Variants in OR14L1 observed in about 807,000 individuals in gnomAD.
OR14L1 encodes the protein olfactory receptor 14L1.
chr1:247,618,529 A>G, the OR14L1 span, among the ~76,000 whole-genome samples: 1 of 87,410 alleles, frequency 1.1e-5, no homozygotes, highest in Non-Finnish European at 2.1e-5. Flanking sequence ...AGACCAATCC[A>G]AAGCAAAATT....
At chr1:247,617,380 A>T in the OR14L1 span, 18 of 152,222 alleles carry the variant, frequency 1.2e-4, no homozygotes, top group African/African-American at 3.9e-4. Flanking sequence ...CAGTTCAACA[A>T]AAATCAGCTC....
chr1:247,617,703 TGTGTGTGC>T, the OR14L1 span, among the ~76,000 whole-genome samples: 13 of 148,882 alleles, frequency 8.7e-5, no homozygotes, highest in African/African-American at 1.8e-4. Context: ...GGTGTGTGTG[TGTGTGTGC>T]GTGTGTGTGT....
At chr1:247,618,059 A>G in the OR14L1 span, among the ~76,000 whole-genome samples, 1 of 152,204 alleles carries the variant, frequency 6.6e-6, no homozygotes, top group African/African-American at 2.4e-5. Flanking sequence ...CTTGGTCACA[A>G]GAAGCATTTT....
the OR14L1 span, among the ~76,000 whole-genome samples, chr1:247,618,845 G>A: frequency 6.6e-6 from 1 of 152,132 alleles, no homozygotes; most frequent in Non-Finnish European, 1.5e-5. Context: ...CTCAGACACT[G>A]TTCTCTGCAA....
the OR14L1 span, among the ~76,000 whole-genome samples, chr1:247,617,697 TGTGTGTGTGTGTGC>T: frequency 6.1e-5 from 9 of 148,004 alleles, no homozygotes; most frequent in Admixed American, 2.7e-4. Flanking sequence ...GTGAAAGGTG[TGTGTGTGTGTGTGC>T]GTGTGTGTGT....
chr1:247,619,039 A>G, the OR14L1 span, among the ~76,000 whole-genome samples: 7 of 152,306 alleles, frequency 4.6e-5, no homozygotes, highest in Non-Finnish European at 8.8e-5. Context: ...ATCTTTTACT[A>G]TAAGAGCCAA....
chr1:247,622,256 G>A, the OR14L1 span: 5,705 of 152,098 alleles, frequency 0.038, 379 homozygotes, highest in African/African-American at 0.13. Flanking sequence ...TTATTGTTAT[G>A]TCTGTTTTGG....
chr1:247,620,324 C>T, the OR14L1 span: 1 of 152,114 alleles, frequency 6.6e-6, no homozygotes, highest in Non-Finnish European at 1.5e-5. Context: ...ATGAGGATTC[C>T]TTCTAAGGAG....
the OR14L1 span, among the ~76,000 whole-genome samples, chr1:247,618,549 T>A: frequency 1.4e-5 from 2 of 139,216 alleles, no homozygotes; most frequent in African/African-American, 5.5e-5. Context: ...TAAAAAAAAA[T>A]AAAGTGAGTC....
the OR14L1 span, among the ~76,000 whole-genome samples, chr1:247,617,709 TGCG>T: frequency 7.0e-6 from 1 of 141,890 alleles, no homozygotes; most frequent in African/African-American, 2.9e-5. Flanking sequence ...TGTGTGTGTG[TGCG>T]TGTGTGTGTG....
the OR14L1 span, chr1:247,621,956 G>A: frequency 6.6e-6 from 1 of 151,920 alleles, no homozygotes; most frequent in East Asian, 1.9e-4. Context: ...TGTCCATGGT[G>A]GACACTTAGA....
At chr1:247,617,395 C>T in the OR14L1 span, 2 of 152,142 alleles carry the variant, frequency 1.3e-5, no homozygotes, top group Admixed American at 1.3e-4. Flanking sequence ...CAGCTCATAG[C>T]ATGCAGTAAG....
chr1:247,618,558 T>C, the OR14L1 span, among the ~76,000 whole-genome samples: 3 of 151,442 alleles, frequency 2.0e-5, no homozygotes, highest in Admixed American at 6.6e-5. Flanking sequence ...ATAAAGTGAG[T>C]CGCAGATGCT....
the OR14L1 span, chr1:247,620,274 T>C: frequency 6.6e-6 from 1 of 152,296 alleles, no homozygotes; most frequent in South Asian, 2.1e-4. Flanking sequence ...TCTCCTTTGT[T>C]GTAATTACTC....
chr1:247,619,357 T>C, the OR14L1 span, among the ~76,000 whole-genome samples: 1 of 152,302 alleles, frequency 6.6e-6, no homozygotes, highest in East Asian at 1.9e-4. Context: ...TATATTTTCT[T>C]TGTTGATTAT....
At chr1:247,617,260 G>C in the OR14L1 span, 1 of 152,180 alleles carries the variant, frequency 6.6e-6, no homozygotes, top group Non-Finnish European at 1.5e-5. Flanking sequence ...CAGCCACATT[G>C]TTAGATTAGG....
At chr1:247,620,667 T>C in the OR14L1 span, 1 of 152,174 alleles carries the variant, frequency 6.6e-6, no homozygotes, top group Non-Finnish European at 1.5e-5. Context: ...ATATTTTCAA[T>C]TGATTGCTGA....
At chr1:247,621,795 G>C in the OR14L1 span, 1 of 151,882 alleles carries the variant, frequency 6.6e-6, no homozygotes, top group Non-Finnish European at 1.5e-5. Context: ...GAGATCCTGT[G>C]GTATTTGTCT....
the OR14L1 span, among the ~76,000 whole-genome samples, chr1:247,619,283 A>G: frequency 6.6e-6 from 1 of 152,170 alleles, no homozygotes; most frequent in Admixed American, 6.5e-5. Flanking sequence ...ATGTATATTC[A>G]GTTGATGGGA....
Sources: allele counts gnomAD v4.1 joint callset (sites outside exome capture counted in the v4.1 genomes callset), GRCh38; gene constraint gnomAD v4.1.1; transcripts MANE v1.5; gene names NCBI Gene and HGNC (gene_info 2026-07-23, HGNC 2026-07-21).